The following CATSPERB variants were observed in gnomAD, a reference collection of about 807,000 sequenced individuals.
CATSPERB encodes the protein cation channel sperm-associated auxiliary subunit beta.
CATSPERB carries 93 observed loss-of-function variants against 128.3 expected under a neutral mutation model. That is an observed-to-expected ratio of 0.72 (90% CI 0.61 to 0.86). The LOEUF is 0.86. CATSPERB is among the 40% of genes least tolerant of loss of function. The pLI is 0.00. For synonymous variants in CATSPERB, 381 were observed against 448.8 expected (o/e 0.85, Z 1.91); for missense variants, 1,153 against 1,329.5 (o/e 0.87, Z 2.06).
intron 2 of CATSPERB, among the ~76,000 whole-genome samples, chr14:91,728,395 G>T (rs1436565521): frequency 1.3e-5 from 2 of 152,152 alleles, no homozygotes; most frequent in African/African-American, 4.8e-5. Context: ...GATTACAGGT[G>T]TGAGCCACTG....
Position 91,693,541 on chromosome 14 carries a change from G to A in CATSPERB, c.617-62C>T, listed in dbSNP as rs1018301836. 3.3e-6 allele frequency: 4 copies of A among 1,214,670 alleles called. No individual in the cohort carries two copies. The African/African-American group carries it at 6.0e-5, about 18-fold the overall frequency. 75.2% of individuals were successfully genotyped at this position (1,214,670 alleles called of 1,614,324 possible). On this transcript the variant is annotated intron_variant, in intron 7 of 26. Transcript: ENST00000256343. ...CTTTACAAGGTGAGTCACCTTCAGGGGCAAGAGCCCAGAGTCCGTTCCAAC... is the reference window on the plus strand; with the variant it reads ...CTTTACAAGGTGAGTCACCTTCAGGAGCAAGAGCCCAGAGTCCGTTCCAAC...
At chr14:91,647,815 A>T (rs1005101864) in intron 15 of CATSPERB, among the ~76,000 whole-genome samples, 5 of 152,238 alleles carry the variant, frequency 3.3e-5, no homozygotes, top group Non-Finnish European at 7.3e-5. Context: ...TTGGGGACAC[A>T]GCCAAACCAT....
intron 20 of CATSPERB, among the ~76,000 whole-genome samples, chr14:91,616,868 A>G (rs562136568): frequency 2.7e-5 from 4 of 150,694 alleles, no homozygotes; most frequent in Middle Eastern, 3.4e-3. Context: ...CAGCCTCTCG[A>G]GTAGCTGGGA....
At chr14:91,714,237 A>G (rs1895892694) in intron 5 of CATSPERB, among the ~76,000 whole-genome samples, 1 of 149,950 alleles carries the variant, frequency 6.7e-6, no homozygotes, top group African/African-American at 2.4e-5. Context: ...TATTCCTTTC[A>G]TACTGGAATC....
At chr14:91,685,068 A>G (rs548872890) in intron 10 of CATSPERB, among the ~76,000 whole-genome samples, 6 of 152,184 alleles carry the variant, frequency 3.9e-5, no homozygotes, top group Admixed American at 3.9e-4. Context: ...CTGGGACTAC[A>G]GGTGTGCACC....
chr14:91,681,955 T>C (rs77692576), intron 11 of CATSPERB, among the ~76,000 whole-genome samples: 2,255 of 152,310 alleles, frequency 0.015, 58 homozygotes, highest in African/African-American at 0.05. Flanking sequence ...AGATAAGTAC[T>C]ATCCTTTTCT....
chr14:91,589,663 G>C lies in CATSPERB; in HGVS notation c.2827C>G (p.Arg943Gly), dbSNP rs530852040. 1 of 1,612,218 alleles carries C rather than the reference G, an allele frequency of 6.2e-7. No individual in the cohort carries two copies. The highest frequency in any genetic ancestry group is 2.2e-5 in the East Asian group (1 of 44,852). ...AFSDCREKVP[R>G]FKFPITQYPV... is the part of the protein sequence containing the mutation. ...TATTGTGTAATTGGAAACTTAAAGC[G>C]AGGAACCTAAAATACAAATTCCAAG... The change falls in exon 24 of 27, where the codon CGC becomes GGC. Residue 943 changes from arginine to glycine, a missense_variant. By Grantham distance (125) the Arg-to-Gly change is moderately radical. Coordinates refer to ENST00000256343, the MANE Select transcript of CATSPERB (RefSeq NM_024764.4).
At chr14:91,670,000 T>C in intron 13 of CATSPERB, 28 bp from the exon 14 acceptor site, 4 of 1,598,962 alleles carry the variant, frequency 2.5e-6, no homozygotes, top group Non-Finnish European at 3.4e-6. Flanking sequence ...GAGCAAGTCA[T>C]AAGACTAGTC....
intron 5 of CATSPERB, among the ~76,000 whole-genome samples, chr14:91,711,075 G>A (rs1365554331): frequency 6.6e-6 from 1 of 152,152 alleles, no homozygotes; most frequent in East Asian, 1.9e-4. Flanking sequence ...AAAGACATCA[G>A]CTGAGTCCAT....
chr14:91,658,036 A>G lies in CATSPERB; in HGVS notation c.1432+1801T>C, dbSNP rs144242966. Among the ~76,000 whole-genome samples the G allele has an allele frequency of 2.4e-4, 37 of 152,234 alleles. No individual in the cohort carries two copies. In the East Asian group the frequency reaches 5.4e-3, roughly 22 times the overall value. ...GATCCAGCAATCCCACTGCTAGGAT[A>G]TACCCCCCAAAAAAGAGATCAGTAC... is the stretch of plus-strand genomic sequence containing the variant. On this transcript the variant is annotated intron_variant, in intron 15 of 26. Transcript: ENST00000256343.
At chr14:91,706,973 C>T (rs1314766301) in intron 6 of CATSPERB, among the ~76,000 whole-genome samples, 1 of 152,156 alleles carries the variant, frequency 6.6e-6, no homozygotes, top group East Asian at 1.9e-4. Flanking sequence ...TCCTTTATTC[C>T]ATTCTTGCTA....
At chr14:91,602,429 T>A (rs1242403116) in intron 22 of CATSPERB, among the ~76,000 whole-genome samples, 2 of 152,164 alleles carry the variant, frequency 1.3e-5, no homozygotes, top group African/African-American at 2.4e-5. Flanking sequence ...TTAGAAAAGA[T>A]CAGCAGTTAA....
intron 18 of CATSPERB, 115 bp downstream of exon 18, chr14:91,624,705 G>T: frequency 1.4e-6 from 1 of 731,172 alleles, no homozygotes; most frequent in Non-Finnish European, 2.0e-6. Flanking sequence ...TAGGTTGCCA[G>T]TTGGACTAAA....
At chr14:91,731,509 A>G (rs988160604) in intron 1 of CATSPERB, among the ~76,000 whole-genome samples, 2 of 152,206 alleles carry the variant, frequency 1.3e-5, no homozygotes, top group Non-Finnish European at 2.9e-5. Flanking sequence ...AATGGGGATA[A>G]CAGGCACTTC....
At chr14:91,634,121 C>T (rs962585947) in intron 17 of CATSPERB, among the ~76,000 whole-genome samples, 1 of 152,166 alleles carries the variant, frequency 6.6e-6, no homozygotes, top group East Asian at 1.9e-4. Context: ...TTACCAATAA[C>T]ATAAACAGTT....
At chr14:91,680,658 G>T (rs962441401) in intron 11 of CATSPERB, among the ~76,000 whole-genome samples, 10 of 151,700 alleles carry the variant, frequency 6.6e-5, no homozygotes, top group Non-Finnish European at 8.9e-5. Context: ...CCCACTGGAG[G>T]GCATGACAGA....
intron 11 of CATSPERB, among the ~76,000 whole-genome samples, chr14:91,677,207 G>A (rs979121346): frequency 6.6e-6 from 1 of 152,146 alleles, no homozygotes; most frequent in Non-Finnish European, 1.5e-5. Flanking sequence ...TGTAAGAAAA[G>A]CCAAAATTGA....
intron 4 of CATSPERB, among the ~76,000 whole-genome samples, 183 bp from the exon 5 acceptor site, chr14:91,719,661 G>A (rs571279509): frequency 8.6e-4 from 131 of 152,268 alleles, no homozygotes; most frequent in Non-Finnish European, 1.6e-3. Flanking sequence ...AATAAAATGT[G>A]TTCAAGAATA....
At chr14:91,652,748 A>G (rs1253251922) in intron 15 of CATSPERB, among the ~76,000 whole-genome samples, 1 of 151,314 alleles carries the variant, frequency 6.6e-6, no homozygotes, top group Non-Finnish European at 1.5e-5. Flanking sequence ...GGAATACTGG[A>G]AACGTTCAAC....
Sources: gnomAD v4.1 joint callset for allele counts (sites outside exome capture counted in the v4.1 genomes callset) on GRCh38, gnomAD v4.1.1 for gene constraint, MANE v1.5 for transcripts, NCBI Gene and HGNC (gene_info 2026-07-23, HGNC 2026-07-21) for gene names.